MTHFD1: variants seen among roughly 807,000 people sequenced by gnomAD.
The protein encoded by MTHFD1 is C-1-tetrahydrofolate synthase, cytoplasmic.
MTHFD1 carries 44 observed loss-of-function variants against 110.3 expected under a neutral mutation model. That is an observed-to-expected ratio of 0.40 (90% CI 0.31 to 0.51). The LOEUF is 0.51. Among genes scored for constraint, MTHFD1 ranks in the 20% least tolerant of loss-of-function variants. MTHFD1 has a pLI of 0.60. For synonymous variants in MTHFD1, 402 were observed against 428.8 expected, an observed-to-expected ratio of 0.94 and a Z score of 0.77; for missense variants, 909 against 1,173.1, an observed-to-expected ratio of 0.77 and a Z score of 3.29.
At position 64,454,059 on chromosome 14, in the gene MTHFD1, G is replaced by A. The variant is rs554075500; in HGVS notation, c.2565+198G>A. On this transcript the variant is annotated intron_variant, in intron 25 of 27. Transcript: ENST00000652337. The stretch of plus-strand genomic sequence containing the variant: ...ATTTACCCATAGGCGTTATATGAAT[G>A]TGTAGAAATCCATGAGGAAATACAG... Among the ~76,000 whole-genome samples, 7 of 152,296 alleles carry A rather than the reference G, an allele frequency of 4.6e-5. No individual in the cohort carries two copies. In the East Asian group the frequency reaches 1.4e-3, roughly 29 times the overall value.
chr14:64,412,783 G>A (rs758138866), intron 4 of MTHFD1, among the ~76,000 whole-genome samples: 17 of 151,604 alleles, frequency 1.1e-4, no homozygotes, highest in African/African-American at 2.9e-4. Context: ...GATTACAGGC[G>A]CCCACCGCCT....
intron 4 of MTHFD1, 31 bp downstream of exon 4, chr14:64,412,556 G>T (rs370691118): frequency 6.4e-7 from 1 of 1,571,734 alleles, no homozygotes; most frequent in Non-Finnish European, 8.8e-7. Flanking sequence ...TGTGAAGAGG[G>T]AAGGTGAAGT....
chr14:64,457,715 C>T (rs2078498292), intron 26 of MTHFD1, among the ~76,000 whole-genome samples: 1 of 152,120 alleles, frequency 6.6e-6, no homozygotes, highest in African/African-American at 2.4e-5. Flanking sequence ...CTTGGCCTCC[C>T]AGAGTGCTAG....
At chr14:64,439,704 C>T (rs1159370038) in intron 17 of MTHFD1, among the ~76,000 whole-genome samples, 1 of 151,460 alleles carries the variant, frequency 6.6e-6, no homozygotes, top group Non-Finnish European at 1.5e-5. Context: ...AGTTCGAGAT[C>T]AGCCCGGCCA....
intron 27 of MTHFD1, among the ~76,000 whole-genome samples, chr14:64,459,108 T>G (rs2078521943): frequency 6.6e-6 from 1 of 152,226 alleles, no homozygotes. Flanking sequence ...AAGATGACTT[T>G]CAACATGTGC....
intron 26 of MTHFD1, 200 bp downstream of exon 26, chr14:64,455,075 A>G: frequency 1.7e-6 from 1 of 604,618 alleles, no homozygotes; most frequent in Non-Finnish European, 3.0e-6. Context: ...TCTTGGTGTC[A>G]AATCAAGAAT....
In MTHFD1 at chr14:64,435,601, A is replaced by G. The variant is rs2078200331; in HGVS notation, c.1527A>G (p.Thr509=). 1.9e-6 allele frequency: 3 copies of G among 1,611,490 alleles called. No individual in the cohort carries two copies. The highest frequency in any genetic ancestry group is 2.5e-6 in the Non-Finnish European group (3 of 1,177,692). ...RLGIEKTDPT[T]LTDEEINRFA... is the part of the protein sequence containing the mutation. ...GCATTGAAAAGACTGACCCTACCAC[A>G]CTGACAGATGAAGAGATAAACAGAT... Residue 509 remains threonine (T), a synonymous_variant, in exon 16 of 28, where the codon ACA becomes ACG. Coordinates refer to ENST00000652337, the MANE Select transcript of MTHFD1 (RefSeq NM_005956.4).
At chr14:64,449,315 C>G in intron 23 of MTHFD1, 130 bp from the exon 24 acceptor site, 2 of 1,117,016 alleles carry the variant, frequency 1.8e-6, no homozygotes, top group South Asian at 2.5e-5. Flanking sequence ...GAGATTCAAA[C>G]CCAGGCCAAA....
At chr14:64,441,794 C>G (rs1337655693) in intron 19 of MTHFD1, 2 of 558,402 alleles carry the variant, frequency 3.6e-6, no homozygotes, top group Admixed American at 6.4e-5. Flanking sequence ...CAGAGCGAGA[C>G]TCCGTGTCAA....
At chr14:64,409,900 C>A (rs1040746161) in intron 2 of MTHFD1, among the ~76,000 whole-genome samples, 1 of 152,092 alleles carries the variant, frequency 6.6e-6, no homozygotes, top group South Asian at 2.1e-4. Context: ...AAGCCGGCTT[C>A]TTTCTCTGCC....
intron 7 of MTHFD1, 140 bp downstream of exon 7, chr14:64,418,164 A>G: frequency 9.0e-7 from 1 of 1,114,294 alleles, no homozygotes; most frequent in Non-Finnish European, 1.3e-6. Context: ...TTCAAATTAA[A>G]GGCTGAGTGG....
At chr14:64,459,401 G>A (rs1248510665) in intron 27 of MTHFD1, among the ~76,000 whole-genome samples, 1 of 152,152 alleles carries the variant, frequency 6.6e-6, no homozygotes, top group Non-Finnish European at 1.5e-5. Context: ...GGATATCAAA[G>A]GGTCATAGTA....
chr14:64,415,540 A>G, intron 5 of MTHFD1, 46 bp downstream of exon 5: 4 of 1,613,842 alleles, frequency 2.5e-6, no homozygotes, highest in Non-Finnish European at 3.4e-6. Flanking sequence ...GCTTTCATTT[A>G]TAATATGTTT....
intron 8 of MTHFD1, among the ~76,000 whole-genome samples, chr14:64,420,809 A>G (rs1223494988): frequency 1.3e-5 from 2 of 152,168 alleles, no homozygotes; most frequent in African/African-American, 4.8e-5. Context: ...CATGGTGAAT[A>G]CCTGTCTTCA....
rs376958613 is a variant in MTHFD1, at chr14:64,444,757, A to G, written c.2178+23A>G. 231 of 1,612,946 alleles carry G rather than the reference A, an allele frequency of 1.4e-4. 1 individual carries two copies. In the Middle Eastern group the frequency reaches 6.4e-3, roughly 45 times the overall value. On this transcript the variant is annotated intron_variant, in intron 22 of 27. Coordinates refer to ENST00000652337, the MANE Select transcript of MTHFD1 (RefSeq NM_005956.4). ...GAGGTAACCTGAGTTATTTCTCATC[A>G]CGTGTCCTAGAAAGCACCACACCTT... is the stretch of plus-strand genomic sequence containing the variant.
intron 11 of MTHFD1, 144 bp downstream of exon 11, chr14:64,426,336 T>C: frequency 1.1e-6 from 1 of 934,838 alleles, no homozygotes; most frequent in Non-Finnish European, 1.7e-6. Flanking sequence ...ATTTGATCCT[T>C]ACAGCAATCC....
Position 64,454,818 on chromosome 14 carries a change from C to T in MTHFD1, c.2661C>T (p.Pro887=), listed in dbSNP as rs759391345. 19 of 1,614,206 alleles carry T rather than the reference C, an allele frequency of 1.2e-5. No individual in the cohort carries two copies. Among genetic ancestry groups the T allele is most frequent in the Non-Finnish European group, 1.6e-5 (19 of 1,180,032 alleles). The change falls in exon 26 of 28, where the codon CCC becomes CCT. Residue 887 remains proline, a synonymous_variant. Coordinates refer to ENST00000652337, the MANE Select transcript of MTHFD1 (RefSeq NM_005956.4). ...QKGVPTGFIL[P]IRDIRASVGA... ...GTGTCCCTACAGGCTTCATTCTGCC[C>T]ATTCGCGACATCCGCGCCAGCGTTG... is the stretch of plus-strand genomic sequence containing the variant.
At chr14:64,410,635 G>T (rs1360536075) in intron 2 of MTHFD1, among the ~76,000 whole-genome samples, 1 of 152,116 alleles carries the variant, frequency 6.6e-6, no homozygotes, top group African/African-American at 2.4e-5. Flanking sequence ...TGTGTGGCGG[G>T]GCCAGGGAGC....
At chr14:64,419,994 C>A in intron 8 of MTHFD1, 69 bp downstream of exon 8, 3 of 1,085,894 alleles carry the variant, frequency 2.8e-6, no homozygotes, top group Non-Finnish European at 4.2e-6. Context: ...CAAAAGAAGC[C>A]TGAGAGAGAA....
Sources: gnomAD v4.1 joint callset for allele counts (sites outside exome capture counted in the v4.1 genomes callset) on GRCh38, gnomAD v4.1.1 for gene constraint, MANE v1.5 for transcripts, NCBI Gene and HGNC (gene_info 2026-07-23, HGNC 2026-07-21) for gene names.